The following CDH2 variants were observed in gnomAD, a reference collection of about 807,000 sequenced individuals.
The protein encoded by CDH2 is cadherin 2.
CDH2 carries 17 observed loss-of-function variants against 92.0 expected under a neutral mutation model. The ratio of observed to expected loss-of-function variants is 0.18; its 90% CI spans 0.13 to 0.28. CDH2 has a LOEUF of 0.28. Among genes scored for constraint, CDH2 ranks in the 10% least tolerant of loss-of-function variants. The pLI, the probability that CDH2 is intolerant of heterozygous loss-of-function variation, is 1.00. For missense variants in CDH2, 862 were observed against 1,133.1 expected, an observed-to-expected ratio of 0.76 and a Z score of 3.44; for synonymous variants, 419 against 415.9, an observed-to-expected ratio of 1.01 and a Z score of -0.09.
intron 2 of CDH2, among the ~76,000 whole-genome samples, chr18:28,105,959 T>C (rs1265598314): frequency 6.6e-6 from 1 of 152,220 alleles, no homozygotes; most frequent in Admixed American, 6.5e-5. Context: ...GAAGTTGTAA[T>C]AGATACGAAT....
rs1224469921 is a variant in CDH2 at position 28,003,031 on chromosome 18, T to A, written c.986A>T (p.Asp329Val). 1 of 1,614,080 alleles carries A rather than the reference T, an allele frequency of 6.2e-7. No individual in the cohort carries two copies. The change falls in exon 7 of 16, where the codon GAC becomes GTC. Residue 329 changes from aspartate to valine, a missense_variant. Asp to Val is a radical substitution (Grantham distance 152, BLOSUM62 -3). This residue lies in a region of CDH2 where 564 missense variants were observed against 722.2 expected (regional missense o/e 0.78). Coordinates refer to ENST00000269141, the MANE Select transcript of CDH2 (RefSeq NM_001792.5). ...AAGTCCAGCTGCCACTGTGATGATG[T>A]CACCAGTCTCATTGTTGATTGTAAA... Reference protein sequence around the residue: ...NMFTINNETGDIITVAAGLDR... With the variant: ...NMFTINNETGVIITVAAGLDR...
intron 2 of CDH2, among the ~76,000 whole-genome samples, chr18:28,069,072 A>G (rs890981886): frequency 6.6e-6 from 1 of 152,182 alleles, no homozygotes; most frequent in African/African-American, 2.4e-5. Flanking sequence ...TGTTTACTCT[A>G]TGAAGTGGAA....
chr18:28,101,949 C>T (rs1261273942), intron 2 of CDH2, among the ~76,000 whole-genome samples: 3 of 152,080 alleles, frequency 2.0e-5, no homozygotes, highest in Non-Finnish European at 4.4e-5. Context: ...CCATCTCTGC[C>T]TACATCTCTT....
intron 1 of CDH2, chr18:28,168,577 T>TA (rs879777011): frequency 1.2e-4 from 48 of 386,746 alleles, no homozygotes; most frequent in Middle Eastern, 1.3e-3. Context: ...CAAGATTCAT[T>TA]AAAAAAAATT....
At chr18:28,116,831 C>T (rs1376325029) in intron 2 of CDH2, among the ~76,000 whole-genome samples, 1 of 152,152 alleles carries the variant, frequency 6.6e-6, no homozygotes, top group Non-Finnish European at 1.5e-5. Flanking sequence ...AGAATTAACA[C>T]TGGCATACTC....
chr18:28,163,170 C>A (rs2016331115), intron 1 of CDH2, among the ~76,000 whole-genome samples: 1 of 152,078 alleles, frequency 6.6e-6, no homozygotes. Context: ...CAAATTTAAG[C>A]CAAAATGAGA....
intron 1 of CDH2, among the ~76,000 whole-genome samples, chr18:28,173,457 C>G (rs1006062824): frequency 2.0e-5 from 3 of 152,076 alleles, no homozygotes; most frequent in Non-Finnish European, 4.4e-5. Context: ...AGAATAAACA[C>G]GATTTACACT....
Position 27,963,341 on chromosome 18 carries a change from G to T in CDH2, c.2514+16C>A, listed in dbSNP as rs201711817. 1 of 1,611,450 alleles carries T rather than the reference G, an allele frequency of 6.2e-7. No individual in the cohort carries two copies. Among genetic ancestry groups the T allele is most frequent in the South Asian group, 1.1e-5 (1 of 90,940 alleles). On this transcript the variant is annotated intron_variant, in intron 15 of 15. Transcript: ENST00000269141. ...AAATGAAAACTCTTATAGAGAAAAC[G>T]AGTGTCTCTCTGTACCTCATTAATG...
intron 5 of CDH2, among the ~76,000 whole-genome samples, chr18:28,007,702 G>A (rs1209073512): frequency 6.6e-6 from 1 of 151,652 alleles, no homozygotes; most frequent in Non-Finnish European, 1.5e-5. Context: ...AATTAATTCT[G>A]TTCTGTTATG....
Position 28,080,059 on chromosome 18 carries a change from AG to A in CDH2, c.173-66151del, listed in dbSNP as rs529238017. Among the ~76,000 whole-genome samples, 1,117 of 152,306 alleles carry A rather than the reference AG, an allele frequency of 7.3e-3. 7 individuals are homozygous for A. The highest frequency in any genetic ancestry group is 0.012 in the Non-Finnish European group (805 of 68,020). Reference sequence around the variant, plus strand: ...TTCAGTGACTAATGAGAGGTTCCTCAGGAAGAAGACACAGTGCTGATATTCA... The same window carrying A: ...TTCAGTGACTAATGAGAGGTTCCTCAGAAGAAGACACAGTGCTGATATTCA... On this transcript the variant is annotated intron_variant, in intron 2 of 15. Coordinates refer to ENST00000269141, the MANE Select transcript of CDH2 (RefSeq NM_001792.5).
intron 2 of CDH2, among the ~76,000 whole-genome samples, chr18:28,095,039 T>C (rs2015107275): frequency 6.6e-6 from 1 of 152,158 alleles, no homozygotes; most frequent in Non-Finnish European, 1.5e-5. Flanking sequence ...TCTTGACTCA[T>C]ATTTTTTAGT....
chr18:28,059,184 T>A (rs982949675), intron 2 of CDH2, among the ~76,000 whole-genome samples: 2 of 152,170 alleles, frequency 1.3e-5, no homozygotes, highest in African/African-American at 4.8e-5. Context: ...TTGGTTGGAA[T>A]GACAAAAACC....
intron 2 of CDH2, among the ~76,000 whole-genome samples, chr18:28,033,788 T>A (rs1204645030): frequency 6.6e-6 from 1 of 152,098 alleles, no homozygotes; most frequent in Non-Finnish European, 1.5e-5. Context: ...TAAATTATAG[T>A]CCAGCCAACA....
At chr18:28,056,830 T>A (rs2014301949) in intron 2 of CDH2, among the ~76,000 whole-genome samples, 2 of 152,204 alleles carry the variant, frequency 1.3e-5, no homozygotes, top group Non-Finnish European at 2.9e-5. Flanking sequence ...TTATTTGATA[T>A]ATTAAGTTAT....
chr18:28,089,616 C>A (rs2015000318), intron 2 of CDH2, among the ~76,000 whole-genome samples: 1 of 152,046 alleles, frequency 6.6e-6, no homozygotes, highest in Admixed American at 6.6e-5. Context: ...ATTTCAATTG[C>A]AATTTTGTTC....
chr18:28,093,803 A>G (rs1389223423), intron 2 of CDH2, among the ~76,000 whole-genome samples: 1 of 152,232 alleles, frequency 6.6e-6, no homozygotes, highest in Non-Finnish European at 1.5e-5. Flanking sequence ...AAAGAGAATC[A>G]TAACTAAACC....
Position 27,992,685 on chromosome 18 carries a change from G to A in CDH2, c.1314C>T (p.Asn438=). ...TGRFAIQTDP[N]SNDGLVTVVK... ...CCACGGTGACTAACCCGTCGTTGCTGTTTGGGTCGGTCTGGATGGCGAACC... is the reference window on the plus strand; with the variant it reads ...CCACGGTGACTAACCCGTCGTTGCTATTTGGGTCGGTCTGGATGGCGAACC... The change falls in exon 9 of 16, where the codon AAC becomes AAT. Residue 438 remains asparagine (N), a synonymous_variant. Transcript: ENST00000269141. 2 of 1,613,626 alleles carry A rather than the reference G, an allele frequency of 1.2e-6. No homozygotes were observed. Among genetic ancestry groups the A allele is most frequent in the Non-Finnish European group, 8.5e-7 (1 of 1,179,744 alleles).
intron 2 of CDH2, among the ~76,000 whole-genome samples, chr18:28,054,546 T>G (rs572925644): frequency 1.3e-5 from 2 of 152,284 alleles, no homozygotes; most frequent in African/African-American, 2.4e-5. Context: ...AACCATGATG[T>G]TCCAAACTAA....
chr18:27,968,845 T>A (rs1385776070), intron 14 of CDH2, among the ~76,000 whole-genome samples: 1 of 151,684 alleles, frequency 6.6e-6, no homozygotes, highest in Non-Finnish European at 1.5e-5. Context: ...GGAAAAAAAA[T>A]ATCTGGAAAA....
Sources: allele counts gnomAD v4.1 joint callset (sites outside exome capture counted in the v4.1 genomes callset), GRCh38; gene constraint gnomAD v4.1.1; regional missense constraint gnomAD v4.1.1; transcripts MANE v1.5; gene names NCBI Gene and HGNC (gene_info 2026-07-23, HGNC 2026-07-21).